KIAA1328: variants seen among roughly 807,000 people sequenced by gnomAD.
KIAA1328 encodes KIAA1328.
In KIAA1328, 52 loss-of-function variants were observed where a neutral mutation model predicts 68.1. The observed-to-expected ratio is 0.76, with a 90% CI of 0.61 to 0.96. KIAA1328 has a LOEUF of 0.96. KIAA1328 is among the 40% of genes least tolerant of loss of function. The pLI, the probability that KIAA1328 is intolerant of heterozygous loss-of-function variation, is 0.00. For synonymous variants in KIAA1328, 232 were observed against 239.4 expected (o/e 0.97, Z 0.28); for missense variants, 641 against 677.6 (o/e 0.95, Z 0.60).
intron 9 of KIAA1328, among the ~76,000 whole-genome samples, chr18:37,204,004 G>A (rs1010071216): frequency 6.6e-6 from 1 of 152,116 alleles, no homozygotes; most frequent in African/African-American, 2.4e-5. Flanking sequence ...TAGAGATGGG[G>A]TTTCACCATG....
At chr18:37,185,529 A>T (rs903517292) in intron 9 of KIAA1328, among the ~76,000 whole-genome samples, 1 of 152,148 alleles carries the variant, frequency 6.6e-6, no homozygotes, top group African/African-American at 2.4e-5. Context: ...AATATTCAGA[A>T]CTGTGCCTAA....
At chr18:36,861,601 C>T (rs2047565987) in intron 4 of KIAA1328, among the ~76,000 whole-genome samples, 1 of 151,976 alleles carries the variant, frequency 6.6e-6, no homozygotes, top group South Asian at 2.1e-4. Context: ...CTCCCTTTTG[C>T]CCTATTTATT....
intron 6 of KIAA1328, among the ~76,000 whole-genome samples, chr18:37,030,756 A>G (rs900074471): frequency 3.3e-5 from 5 of 152,160 alleles, no homozygotes; most frequent in African/African-American, 1.2e-4. Context: ...ATATGTATAC[A>G]TGTGCCATGT....
At chr18:36,908,464 C>T (rs1029521335) in intron 5 of KIAA1328, among the ~76,000 whole-genome samples, 8 of 152,098 alleles carry the variant, frequency 5.3e-5, no homozygotes, top group African/African-American at 1.9e-4. Flanking sequence ...CTCAGCCTCC[C>T]AAGTAGATAG....
intron 5 of KIAA1328, among the ~76,000 whole-genome samples, chr18:36,936,736 A>G (rs1314823991): frequency 6.6e-6 from 1 of 152,168 alleles, no homozygotes; most frequent in Non-Finnish European, 1.5e-5. Flanking sequence ...TACCAACAGC[A>G]TATAAGCTTT....
intron 6 of KIAA1328, among the ~76,000 whole-genome samples, chr18:37,005,911 A>G (rs562957101): frequency 6.6e-6 from 1 of 152,100 alleles, no homozygotes; most frequent in Admixed American, 6.6e-5. Context: ...ATATGATCAC[A>G]TGGAAGTAGA....
chr18:37,115,556 T>C (rs572649094), intron 7 of KIAA1328, among the ~76,000 whole-genome samples: 1 of 152,268 alleles, frequency 6.6e-6, no homozygotes, highest in East Asian at 1.9e-4. Flanking sequence ...ACAGCCAATA[T>C]CATACTGAAT....
chr18:37,063,719 T>C, intron 6 of KIAA1328: 6 of 971,512 alleles, frequency 6.2e-6, no homozygotes, highest in Non-Finnish European at 7.3e-6. Context: ...AAACATTAAC[T>C]GAAAAAAATT....
At chr18:37,137,212 G>A (rs1192039526) in intron 7 of KIAA1328, among the ~76,000 whole-genome samples, 1 of 152,064 alleles carries the variant, frequency 6.6e-6, no homozygotes, top group Non-Finnish European at 1.5e-5. Context: ...GTGCCCATCA[G>A]GGAATACTGC....
intron 6 of KIAA1328, among the ~76,000 whole-genome samples, chr18:37,063,946 A>G (rs2056249163): frequency 6.6e-6 from 1 of 152,116 alleles, no homozygotes; most frequent in Non-Finnish European, 1.5e-5. Flanking sequence ...ATATATATAT[A>G]TCTAGTAATT....
chr18:37,203,910 T>C (rs918689250), intron 9 of KIAA1328, among the ~76,000 whole-genome samples: 6 of 151,978 alleles, frequency 3.9e-5, no homozygotes, highest in East Asian at 1.9e-4. Flanking sequence ...CCCGGGTTCA[T>C]GCCATTCTCC....
chr18:36,972,804 A>G (rs2052283437), intron 6 of KIAA1328, among the ~76,000 whole-genome samples: 1 of 152,186 alleles, frequency 6.6e-6, no homozygotes, highest in Non-Finnish European at 1.5e-5. Flanking sequence ...GGAGTATAAA[A>G]TACTAAATGC....
intron 5 of KIAA1328, among the ~76,000 whole-genome samples, chr18:36,934,691 T>G (rs1312385171): frequency 6.6e-6 from 1 of 152,194 alleles, no homozygotes; most frequent in East Asian, 1.9e-4. Context: ...CCCTCTCCTC[T>G]AAATTTTTTT....
chr18:37,132,089 A>C (rs938164306), intron 7 of KIAA1328, among the ~76,000 whole-genome samples: 5 of 142,808 alleles, frequency 3.5e-5, no homozygotes, highest in East Asian at 2.0e-4. Context: ...ACCCAATGGC[A>C]AAAAAAAAAG....
In KIAA1328 at chr18:36,950,936, G is replaced by T. The variant is rs751714740; in HGVS notation, c.449-8372G>T. ...TACCAAAACAGTCGGGGGAGATGAT[G>T]GACAACCAAGTAATGTCAAACTGAT... On this transcript the variant is annotated intron_variant, in intron 5 of 9. Coordinates refer to ENST00000280020, the MANE Select transcript of KIAA1328 (RefSeq NM_020776.3). 2.7e-4 allele frequency among the ~76,000 whole-genome samples: 41 copies of T among 152,198 alleles called. 1 individual carries two copies. Among genetic ancestry groups the T allele is most frequent in the Non-Finnish European group, 1.5e-4 (10 of 68,026 alleles).
intron 7 of KIAA1328, among the ~76,000 whole-genome samples, chr18:37,144,452 C>T (rs1050821578): frequency 6.6e-6 from 1 of 151,872 alleles, no homozygotes. Context: ...TCTTCCTTTT[C>T]TTGCTTCATA....
chr18:36,941,241 C>T (rs2050699905), intron 5 of KIAA1328, among the ~76,000 whole-genome samples: 1 of 151,984 alleles, frequency 6.6e-6, no homozygotes, highest in South Asian at 2.1e-4. Context: ...TAATTTTTTT[C>T]TCCTGAATTC....
At chr18:36,837,155 C>A (rs1242171486) in intron 3 of KIAA1328, among the ~76,000 whole-genome samples, 1 of 152,006 alleles carries the variant, frequency 6.6e-6, no homozygotes, top group East Asian at 1.9e-4. Flanking sequence ...TATGTTTAAC[C>A]TTTTGACAAA....
chr18:37,002,682 A>C (rs1414779428), intron 6 of KIAA1328, among the ~76,000 whole-genome samples: 2 of 152,132 alleles, frequency 1.3e-5, no homozygotes, highest in Admixed American at 6.6e-5. Flanking sequence ...TATTGATGGA[A>C]GCAATTGAAG....
Sources: gnomAD v4.1 joint callset for allele counts (sites outside exome capture counted in the v4.1 genomes callset) on GRCh38, gnomAD v4.1.1 for gene constraint, MANE v1.5 for transcripts, NCBI Gene and HGNC (gene_info 2026-07-23, HGNC 2026-07-21) for gene names.